The following ZNF503 variants were observed in gnomAD, a reference collection of about 807,000 sequenced individuals.
The protein encoded by ZNF503 is NocA-like zinc finger 2.
In ZNF503, 15 loss-of-function variants were observed where a neutral mutation model predicts 34.4. The ratio of observed to expected loss-of-function variants is 0.44; its 90% CI spans 0.29 to 0.67. The LOEUF is 0.67. Among genes scored for constraint, ZNF503 ranks in the 30% least tolerant of loss-of-function variants. The pLI is 0.13. For missense variants in ZNF503, 1,007 were observed against 926.8 expected (o/e 1.09, Z -1.12); for synonymous variants, 580 against 456.8 (o/e 1.27, Z -3.44).
downstream of ZNF503, among the ~76,000 whole-genome samples, chr10:75,395,310 G>C (rs1379088163): frequency 2.6e-5 from 4 of 152,202 alleles, no homozygotes; most frequent in East Asian, 7.7e-4. The surrounding 1 kb of genome is among the most constrained non-coding windows in gnomAD (Gnocchi z 4.4). Context: ...GAAGAGCAGG[G>C]GAGACGGTTC....
chr10:75,325,054 ATATT>A, the ZNF503 span, among the ~76,000 whole-genome samples: 4 of 152,194 alleles, frequency 2.6e-5, no homozygotes, highest in Non-Finnish European at 4.4e-5. Context: ...TAATCTATGA[ATATT>A]CATGTACATG....
chr10:75,283,233 T>C, the ZNF503 span: 1 of 152,224 alleles, frequency 6.6e-6, no homozygotes, highest in Non-Finnish European at 1.5e-5. Context: ...TGAGGAGTGA[T>C]GAAAGGGGCA....
the ZNF503 span, among the ~76,000 whole-genome samples, chr10:75,362,207 A>G: frequency 3.9e-5 from 6 of 152,310 alleles, no homozygotes; most frequent in South Asian, 1.2e-3. Context: ...TATTTTGGGA[A>G]AGCCAATTCA....
chr10:75,321,820 A>G, the ZNF503 span, among the ~76,000 whole-genome samples: 2 of 152,344 alleles, frequency 1.3e-5, no homozygotes, highest in South Asian at 4.1e-4. Context: ...TTTAAAAGGG[A>G]AACAGAGAGT....
chr10:75,398,789 C>CCGTAGAGGG lies in ZNF503; in HGVS notation c.1892_1900dup (p.Ala631_Tyr633dup). 6.8e-7 allele frequency: 1 copy of CCGTAGAGGG among 1,463,334 alleles called. No individual in the cohort carries two copies. Among genetic ancestry groups the CCGTAGAGGG allele is most frequent in the Non-Finnish European group, 9.0e-7 (1 of 1,112,922 alleles). The allele number at this position is 1,463,334 out of a possible 1,614,324, so 90.6% of individuals were successfully genotyped here. On this transcript the variant is annotated inframe_insertion, in exon 2 of 2. Transcript: ENST00000372524. ...CGCCGAGGCGGTGGTCAGTCTCTGT[C>CCGTAGAGGG]CGTAGAGGGCGTAGGGGGAGTAGTA...
At chr10:75,343,819 G>T in the ZNF503 span, among the ~76,000 whole-genome samples, 1 of 152,200 alleles carries the variant, frequency 6.6e-6, no homozygotes, top group Non-Finnish European at 1.5e-5. Flanking sequence ...TGCAGGAGAA[G>T]TTGAGCCCTG....
the ZNF503 span, among the ~76,000 whole-genome samples, chr10:75,333,184 C>T: frequency 8.1e-6 from 1 of 122,884 alleles, no homozygotes; most frequent in East Asian, 2.4e-4. Context: ...GGTGGCCGGG[C>T]AGAGGTGCCC....
At chr10:75,382,384 T>G in the ZNF503 span, 2 of 305,216 alleles carry the variant, frequency 6.6e-6, no homozygotes. Flanking sequence ...GTAAAAGCAG[T>G]GTCCTCAACT....
chr10:75,290,133 A>T, the ZNF503 span, among the ~76,000 whole-genome samples: 52 of 152,334 alleles, frequency 3.4e-4, no homozygotes, highest in African/African-American at 1.2e-3. Context: ...CATTTAGCAT[A>T]GTATTTTCAA....
chr10:75,280,822 C>T, the ZNF503 span, among the ~76,000 whole-genome samples: 1 of 151,924 alleles, frequency 6.6e-6, no homozygotes, highest in Non-Finnish European at 1.5e-5. Context: ...TGAAGGACTC[C>T]TCTGAAAAAA....
downstream of ZNF503, among the ~76,000 whole-genome samples, chr10:75,395,685 C>T (rs973259074): frequency 6.6e-6 from 1 of 152,196 alleles, no homozygotes; most frequent in Admixed American, 6.5e-5. This position sits in a 1 kb window ranked among gnomAD's most constrained non-coding sequence, Gnocchi z 4.4. Flanking sequence ...TTACCGCGCG[C>T]CCGGGGTGAC....
the ZNF503 span, among the ~76,000 whole-genome samples, chr10:75,324,954 A>T: frequency 2.6e-5 from 4 of 152,186 alleles, no homozygotes; most frequent in Admixed American, 2.6e-4. Flanking sequence ...ATGGCTGAAA[A>T]GTATTTCATT....
the ZNF503 span, among the ~76,000 whole-genome samples, chr10:75,333,059 G>C: frequency 3.4e-5 from 5 of 146,358 alleles, no homozygotes; most frequent in African/African-American, 1.3e-4. Flanking sequence ...CGGCCGGGCA[G>C]AGGCGCCCCT....
the ZNF503 span, among the ~76,000 whole-genome samples, chr10:75,341,117 T>C: frequency 6.6e-6 from 1 of 152,224 alleles, no homozygotes; most frequent in African/African-American, 2.4e-5. Flanking sequence ...TATAGTGCCA[T>C]GTTGTGAAGG....
At position 75,398,893 on chromosome 10, in the gene ZNF503, G is replaced by C; in HGVS notation, c.1797C>G (p.Ser599Arg). 1 of 1,543,616 alleles carries C rather than the reference G, an allele frequency of 6.5e-7. No homozygotes were observed. Among genetic ancestry groups the C allele is most frequent in the Non-Finnish European group, 8.7e-7 (1 of 1,148,334 alleles). ...TCTTGGAGTAGGGGTGGTAGCGGCTGCTGAGTCCCAGCGCGTGGTGGGGGC... is the reference window on the plus strand; with the variant it reads ...TCTTGGAGTAGGGGTGGTAGCGGCTCCTGAGTCCCAGCGCGTGGTGGGGGC... ...LRSPHHALGLSSRYHPYSKSP... is the reference protein window; with the variant it reads ...LRSPHHALGLRSRYHPYSKSP... Residue 599 changes from serine to arginine, a missense_variant, in exon 2 of 2, where the codon AGC becomes AGG. Ser to Arg is a moderately radical substitution (Grantham distance 110). Transcript: ENST00000372524.
the ZNF503 span, among the ~76,000 whole-genome samples, chr10:75,303,961 G>A: frequency 6.6e-6 from 1 of 151,612 alleles, no homozygotes; most frequent in Non-Finnish European, 1.5e-5. Context: ...AGCCTCCTGA[G>A]TAGCTGGGAT....
chr10:75,334,240 C>G, the ZNF503 span, among the ~76,000 whole-genome samples: 1 of 152,120 alleles, frequency 6.6e-6, no homozygotes, highest in African/African-American at 2.4e-5. Context: ...CCAGCCGCTG[C>G]CTCCCGGGCG....
chr10:75,359,567 C>A, the ZNF503 span, among the ~76,000 whole-genome samples: 1 of 152,224 alleles, frequency 6.6e-6, no homozygotes. Flanking sequence ...CCCATCCCTC[C>A]TACAAGAGCA....
chr10:75,325,585 T>C, the ZNF503 span, among the ~76,000 whole-genome samples: 1 of 152,204 alleles, frequency 6.6e-6, no homozygotes, highest in Admixed American at 6.5e-5. Context: ...GAAATTGTTT[T>C]GGCTATTCTA....
Sources: gnomAD v4.1 joint callset for allele counts (sites outside exome capture counted in the v4.1 genomes callset) on GRCh38, gnomAD v4.1.1 for gene constraint, Gnocchi (gnomAD v3.1) non-coding constraint, MANE v1.5 for transcripts, NCBI Gene and HGNC (gene_info 2026-07-23, HGNC 2026-07-21) for gene names.